Variants in KAT2A observed in about 807,000 individuals in gnomAD.
KAT2A encodes the protein lysine acetyltransferase 2A.
Under a neutral mutation model 95.2 loss-of-function variants are expected in KAT2A, and 42 were observed. The ratio of observed to expected loss-of-function variants is 0.44; its 90% CI spans 0.34 to 0.57. The LOEUF is 0.57. KAT2A is among the 20% of genes least tolerant of loss of function. The probability of loss-of-function intolerance (pLI) is 0.01; values close to 1 mark genes in which losing one functional copy is unlikely to be tolerated. For missense variants in KAT2A, 784 were observed against 1,126.3 expected (o/e 0.70, Z 4.35); for synonymous variants, 449 against 448.2 (o/e 1.00, Z -0.02).
In KAT2A at chr17:42,119,829, C is replaced by T; in HGVS notation, c.700-111G>A. 2.9e-6 allele frequency: 3 copies of T among 1,024,298 alleles called. No homozygotes were observed. Among genetic ancestry groups the T allele is most frequent in the Non-Finnish European group, 2.8e-6 (2 of 702,806 alleles). The allele number at this position is 1,024,298 out of a possible 1,614,324, so 63.5% of individuals were successfully genotyped here. A position where few individuals can be genotyped will look rare whatever the true frequency, so the allele number is the denominator to read the frequency against. On this transcript the variant is annotated intron_variant, in intron 4 of 17. Transcript: ENST00000225916. The surrounding 1 kb of genome is among the most constrained non-coding windows in gnomAD (Gnocchi z 5.3). Reference sequence around the variant, plus strand: ...GGCCAGGGACAAGGTTCTCCTTCTCCTCTCTCTCTCGGGTGCTCTCTATAG... The same window carrying T: ...GGCCAGGGACAAGGTTCTCCTTCTCTTCTCTCTCTCGGGTGCTCTCTATAG...
At position 42,113,420 on chromosome 17, in the gene KAT2A, G is replaced by A; in HGVS notation, c.*229C>T. Reference sequence around the variant, plus strand: ...CCCTGGCCACCAGCTACTCTAGAGGGGCTGGGCCCCAACCCAGGAGACCTC... The same window carrying A: ...CCCTGGCCACCAGCTACTCTAGAGGAGCTGGGCCCCAACCCAGGAGACCTC... On this transcript the variant is annotated 3_prime_UTR_variant, in exon 18 of 18. Coordinates refer to ENST00000225916, the MANE Select transcript of KAT2A (RefSeq NM_021078.3). The A allele has an allele frequency of 2.2e-6, 1 of 459,146 alleles. No individual in the cohort carries two copies. The highest frequency in any genetic ancestry group is 3.8e-6 in the Non-Finnish European group (1 of 261,176). The allele number at this position is 459,146 out of a possible 1,614,324, so 28.4% of individuals were successfully genotyped here. A position where few individuals can be genotyped will look rare whatever the true frequency, so the allele number is the denominator to read the frequency against.
At position 42,120,702 on chromosome 17, in the gene KAT2A, T is replaced by C. The variant is rs1190789387; in HGVS notation, c.463+4A>G. On this transcript the variant is annotated splice_donor_region_variant and intron_variant, in intron 2 of 17. Transcript: ENST00000225916. ...CCCAGCTCCAAGGGCGCTGCCTGCC[T>C]TACCCAAGGGGTGCTCACAACTGCG... 3 of 1,613,860 alleles carry C rather than the reference T, an allele frequency of 1.9e-6. No individual in the cohort carries two copies. Among genetic ancestry groups the C allele is most frequent in the Non-Finnish European group, 2.5e-6 (3 of 1,180,034 alleles).
chr17:42,114,624 G>A lies in KAT2A; in HGVS notation c.2020-20C>T. Reference sequence around the variant, plus strand: ...GATGATCTGAGGGAAGGAAGGGACTGAGGGGCCAACTCCAGCCCCAACAAC... The same window carrying A: ...GATGATCTGAGGGAAGGAAGGGACTAAGGGGCCAACTCCAGCCCCAACAAC... On this transcript the variant is annotated intron_variant, in intron 13 of 17. Coordinates refer to ENST00000225916, the MANE Select transcript of KAT2A (RefSeq NM_021078.3). The surrounding 1 kb of genome is among the most constrained non-coding windows in gnomAD (Gnocchi z 6.0). 1 of 1,601,342 alleles carries A rather than the reference G, an allele frequency of 6.2e-7. No individual in the cohort carries two copies. The highest frequency in any genetic ancestry group is 8.5e-7 in the Non-Finnish European group (1 of 1,170,930).
At position 42,118,374 on chromosome 17, in the gene KAT2A, T is replaced by C; in HGVS notation, c.1103A>G (p.Tyr368Cys). ...KFLSMLEEEI[Y>C]GANSPIWESG... Reference sequence around the variant, plus strand: ...CTCCCAGATTGGAGAGTTTGCCCCATAGATCTCCTCCTCCAGCATGGACAG... The same window carrying C: ...CTCCCAGATTGGAGAGTTTGCCCCACAGATCTCCTCCTCCAGCATGGACAG... The change falls in exon 7 of 18, where the codon TAT (tyrosine) becomes TGT (cysteine). Residue 368 changes from tyrosine to cysteine, a missense_variant. By Grantham distance (194) the Tyr-to-Cys change is radical (BLOSUM62 -2). Transcript: ENST00000225916. 5 of 1,613,166 alleles carry C rather than the reference T, an allele frequency of 3.1e-6. No individual in the cohort carries two copies. Among genetic ancestry groups the C allele is most frequent in the South Asian group, 1.1e-5 (1 of 91,066 alleles).
chr17:42,115,424 C>T (rs1210963186), intron 12 of KAT2A, among the ~76,000 whole-genome samples: 1 of 130,964 alleles, frequency 7.6e-6, no homozygotes, highest in African/African-American at 2.8e-5. Flanking sequence ...CCCCCCAGTT[C>T]CTCCAGCCTG....
intron 2 of KAT2A, 87 bp downstream of exon 2, chr17:42,120,619 T>C (rs1555667100): frequency 3.8e-6 from 6 of 1,568,890 alleles, no homozygotes; most frequent in Non-Finnish European, 5.2e-6. Context: ...TTTGATTTTT[T>C]CAGAGATGAA....
chr17:42,119,973 A>C lies in KAT2A; in HGVS notation c.699+57T>G, dbSNP rs2144042238. 1 of 1,431,650 alleles carries C rather than the reference A, an allele frequency of 7.0e-7. No individual in the cohort carries two copies. Among genetic ancestry groups the C allele is most frequent in the Non-Finnish European group, 9.8e-7 (1 of 1,015,974 alleles). The allele number at this position is 1,431,650 out of a possible 1,614,324, so 88.7% of individuals were successfully genotyped here. A position where few individuals can be genotyped will look rare whatever the true frequency, so the allele number is the denominator to read the frequency against. On this transcript the variant is annotated intron_variant, in intron 4 of 17. Transcript: ENST00000225916. The surrounding 1 kb of genome is among the most constrained non-coding windows in gnomAD (Gnocchi z 5.3). Reference sequence around the variant, plus strand: ...GGAGAATGGAGAACACAGGCTCCCCACTCCTCCAAGCTGTCCCCAATTCTC... The same window carrying C: ...GGAGAATGGAGAACACAGGCTCCCCCCTCCTCCAAGCTGTCCCCAATTCTC...
chr17:42,118,271 C>T, intron 7 of KAT2A, 26 bp downstream of exon 7: 1 of 1,534,256 alleles, frequency 6.5e-7, no homozygotes, highest in South Asian at 1.1e-5. Flanking sequence ...GGCCAGACAC[C>T]CTACAGAGCG....
rs2054230152 is a variant in KAT2A, at chr17:42,114,739, C to A, written c.2020-135G>T. ...CCAGCACCTCCCCTCATAACTTCCC[C>A]AAGGGAGCAGAGCAAGAGCCAAGAT... On this transcript the variant is annotated intron_variant, in intron 13 of 17. Coordinates refer to ENST00000225916, the MANE Select transcript of KAT2A (RefSeq NM_021078.3). This position sits in a 1 kb window ranked among gnomAD's most constrained non-coding sequence, Gnocchi z 6.0. The A allele has an allele frequency of 8.5e-7, 1 of 1,181,452 alleles. No homozygotes were observed. Among genetic ancestry groups the A allele is most frequent in the East Asian group, 2.4e-5 (1 of 42,160 alleles). 73.2% of individuals were successfully genotyped at this position (1,181,452 alleles called of 1,614,324 possible).
rs781977351 is a variant in KAT2A at position 42,115,842 on chromosome 17, G to A, written c.1765-9C>T. 6.5e-7 allele frequency: 1 copy of A among 1,537,524 alleles called. No individual in the cohort carries two copies. Among genetic ancestry groups the A allele is most frequent in the South Asian group, 1.1e-5 (1 of 89,566 alleles). ...AGGTGGGTCCCATAACCCTGCGGGG[G>A]AGGGAAGCAGGACTCACCAGGAGCT... On this transcript the variant is annotated splice_polypyrimidine_tract_variant and intron_variant, in intron 11 of 17. Transcript: ENST00000225916.
At position 42,119,466 on chromosome 17, in the gene KAT2A, T is replaced by C. The variant is rs782548483; in HGVS notation, c.882-30A>G. ...AGTAGGGGGTCGAGGGGGAGACAGG[T>C]GAGGGCGGAAACCACTGAACCCAGG... On this transcript the variant is annotated intron_variant, in intron 5 of 17. Coordinates refer to ENST00000225916, the MANE Select transcript of KAT2A (RefSeq NM_021078.3). This position sits in a 1 kb window ranked among gnomAD's most constrained non-coding sequence, Gnocchi z 5.3. 11 of 1,592,804 alleles carry C rather than the reference T, an allele frequency of 6.9e-6. No individual in the cohort carries two copies. Among genetic ancestry groups the C allele is most frequent in the African/African-American group, 2.7e-5 (2 of 74,422 alleles).
chr17:42,115,936 A>T (rs555180660), intron 11 of KAT2A, 103 bp from the exon 12 acceptor site: 1 of 747,684 alleles, frequency 1.3e-6, no homozygotes, highest in Admixed American at 1.9e-5. Context: ...AAGGAGGTAG[A>T]GAGAGCGAGA....
rs2054207584 is a variant in KAT2A, at chr17:42,113,819, G to A, written c.2344C>T (p.Leu782=). 1.3e-6 allele frequency: 2 copies of A among 1,598,644 alleles called. No homozygotes were observed. The highest frequency in any genetic ancestry group is 1.4e-5 in the African/African-American group (1 of 73,638). Residue 782 remains leucine, a synonymous_variant, in exon 18 of 18, where the codon CTG becomes TTG. Coordinates refer to ENST00000225916, the MANE Select transcript of KAT2A (RefSeq NM_021078.3). ...CGGGTCACGTAGTAGCGGCTTCGCA[G>A]CCGCTCAGTCATGGTCTTCAGGTCT... ...PIDLKTMTER[L]RSRYYVTRKL...
rs782269498 is a variant in KAT2A at position 42,119,513 on chromosome 17, G to A, written c.881+24C>T. 7.6e-6 allele frequency: 12 copies of A among 1,582,214 alleles called. No individual in the cohort carries two copies. The highest frequency in any genetic ancestry group is 5.2e-5 in the Admixed American group (3 of 57,170). ...CAGGCTGGGCCTGCAAGCCTCCCCC[G>A]AAGCTGCCCCTGGCTGGGCCTACCT... is the stretch of plus-strand genomic sequence containing the variant. On this transcript the variant is annotated intron_variant, in intron 5 of 17. Coordinates refer to ENST00000225916, the MANE Select transcript of KAT2A (RefSeq NM_021078.3). The surrounding 1 kb of genome is among the most constrained non-coding windows in gnomAD (Gnocchi z 5.3).
Position 42,120,960 on chromosome 17 carries a change from C to T in KAT2A, c.339+6G>A. The T allele has an allele frequency of 6.4e-7, 1 of 1,572,226 alleles. No individual in the cohort carries two copies. Among genetic ancestry groups the T allele is most frequent in the Non-Finnish European group, 8.6e-7 (1 of 1,159,732 alleles). On this transcript the variant is annotated splice_donor_region_variant and intron_variant, in intron 1 of 17. Coordinates refer to ENST00000225916, the MANE Select transcript of KAT2A (RefSeq NM_021078.3). ...CCCGCCCCTTCACCCCAGGCCCCGC[C>T]CCCACCTTGCAAGCCGAGAAGACCC...
rs1381983882 is a variant in KAT2A, at chr17:42,120,061, C to T, written c.668G>A (p.Ser223Asn). 1 of 1,613,948 alleles carries T rather than the reference C, an allele frequency of 6.2e-7. No individual in the cohort carries two copies. Among genetic ancestry groups the T allele is most frequent in the African/African-American group, 1.3e-5 (1 of 74,916 alleles). The part of the protein sequence containing the change: ...TRPVVEGSLG[S>N]PPFEKPNIEQ... ...AATATTAGGTTTCTCAAATGGAGGG[C>T]TGCCCAGGGACCCCTCCACCACAGG... Residue 223 changes from serine to asparagine, a missense_variant, in exon 4 of 18, where the codon AGC (serine) becomes AAC (asparagine). Around this residue, in one of 6 missense-constraint regions of KAT2A, gnomAD observed 208 missense variants for 339.7 expected, o/e 0.61. Transcript: ENST00000225916.
In KAT2A at chr17:42,118,344, C is replaced by A; in HGVS notation, c.1133G>T (p.Gly378Val). 2 of 1,614,078 alleles carry A rather than the reference C, an allele frequency of 1.2e-6. No individual in the cohort carries two copies. Among genetic ancestry groups the A allele is most frequent in the African/African-American group, 2.7e-5 (2 of 75,048 alleles). Residue 378 changes from glycine (G) to valine (V), a missense_variant, in exon 7 of 18, where the codon GGC becomes GTC. Around this residue, in one of 6 missense-constraint regions of KAT2A, gnomAD observed 63 missense variants for 70.1 expected, o/e 0.90. Transcript: ENST00000225916. ...CCCCTCTGAGGGTGGCATGGTGAAG[C>A]CTGACTCCCAGATTGGAGAGTTTGC... is the stretch of plus-strand genomic sequence containing the variant. The part of the protein sequence containing the change: ...YGANSPIWES[G>V]FTMPPSEGTQ...
intron 11 of KAT2A, among the ~76,000 whole-genome samples, chr17:42,116,301 G>A (rs904295118): frequency 3.9e-5 from 6 of 152,166 alleles, no homozygotes; most frequent in Non-Finnish European, 7.3e-5. Context: ...CCTCCCACAC[G>A]TCAGGGCCAA....
At position 42,114,705 on chromosome 17, in the gene KAT2A, C is replaced by T. The variant is rs879956607; in HGVS notation, c.2020-101G>A. The T allele has an allele frequency of 8.3e-7, 1 of 1,200,572 alleles. No individual in the cohort carries two copies. The highest frequency in any genetic ancestry group is 1.3e-5 in the South Asian group (1 of 76,770). 74.4% of individuals were successfully genotyped at this position (1,200,572 alleles called of 1,614,324 possible). ...TGGCTGCACCCACCCAGCTGCAACG[C>T]CACCTAATCCAGCACCTCCCCTCAT... On this transcript the variant is annotated intron_variant, in intron 13 of 17. Transcript: ENST00000225916. This position sits in a 1 kb window ranked among gnomAD's most constrained non-coding sequence, Gnocchi z 6.0.
Sources: gnomAD v4.1 joint callset for allele counts (sites outside exome capture counted in the v4.1 genomes callset) on GRCh38, gnomAD v4.1.1 for gene constraint, gnomAD v4.1.1 regional missense constraint, Gnocchi (gnomAD v3.1) non-coding constraint, MANE v1.5 for transcripts, NCBI Gene and HGNC (gene_info 2026-07-23, HGNC 2026-07-21) for gene names.